Variants in RIMS2 observed in about 807,000 individuals in gnomAD.
The protein encoded by RIMS2 is regulating synaptic membrane exocytosis 2.
In RIMS2, 59 loss-of-function variants were observed where a neutral mutation model predicts 174.4. That is an observed-to-expected ratio of 0.34 (90% CI 0.27 to 0.42). The LOEUF is 0.42. Among genes scored for constraint, RIMS2 ranks in the 10% least tolerant of loss-of-function variants. RIMS2 has a pLI of 1.00. For missense variants in RIMS2, 1,620 were observed against 1,666.3 expected, an observed-to-expected ratio of 0.97 and a Z score of 0.48; for synonymous variants, 606 against 572.5, an observed-to-expected ratio of 1.06 and a Z score of -0.84.
At chr8:103,589,822 A>G (rs77307173) in intron 1 of RIMS2, among the ~76,000 whole-genome samples, 5,553 of 151,578 alleles carry the variant, frequency 0.037, 325 homozygotes, top group African/African-American at 0.12. Context: ...AGTAAAATAA[A>G]CAAGTCACAG....
chr8:103,841,824 A>C (rs944231780), intron 3 of RIMS2, among the ~76,000 whole-genome samples: 3 of 152,110 alleles, frequency 2.0e-5, no homozygotes, highest in Non-Finnish European at 4.4e-5. Context: ...GTGTGATGGC[A>C]CACACCTGTA....
chr8:104,226,320 A>G (rs2099187836), intron 19 of RIMS2, among the ~76,000 whole-genome samples: 1 of 152,210 alleles, frequency 6.6e-6, no homozygotes, highest in Admixed American at 6.5e-5. Flanking sequence ...AAAGAGTTCA[A>G]TAGCTAAAGA....
downstream of RIMS2, chr8:104,253,795 TA>T (rs1433619392): frequency 6.6e-6 from 1 of 152,202 alleles, no homozygotes; most frequent in Non-Finnish European, 1.5e-5. Context: ...CATGCACAAA[TA>T]TTTTTTTTAG....
At chr8:103,765,674 T>C (rs1316664150) in intron 2 of RIMS2, among the ~76,000 whole-genome samples, 1 of 152,120 alleles carries the variant, frequency 6.6e-6, no homozygotes, top group Non-Finnish European at 1.5e-5. Context: ...TAATTGCGGT[T>C]AGAATGTTAA....
intron 19 of RIMS2, among the ~76,000 whole-genome samples, chr8:104,143,847 G>T (rs1247414689): frequency 6.6e-6 from 1 of 152,092 alleles, no homozygotes; most frequent in African/African-American, 2.4e-5. Flanking sequence ...ATTATTTCCA[G>T]ACTACCTTCT....
rs544241638 is a variant in RIMS2 at position 103,646,557 on chromosome 8, G to A, written c.177-50529G>A. 1.1e-4 allele frequency among the ~76,000 whole-genome samples: 17 copies of A among 152,126 alleles called. No individual in the cohort carries two copies. In the East Asian group the frequency reaches 2.9e-3, roughly 26 times the overall value. Reference sequence around the variant, plus strand: ...TCTACCTCTCTCCGCACCCAGTTCCGACAGGCCTCAGTGTTTGTTGTTTCC... The same window carrying A: ...TCTACCTCTCTCCGCACCCAGTTCCAACAGGCCTCAGTGTTTGTTGTTTCC... On this transcript the variant is annotated intron_variant, in intron 1 of 23. Coordinates refer to ENST00000504942, the Ensembl canonical transcript of RIMS2.
intron 19 of RIMS2, chr8:104,148,813 G>A (rs767352476): frequency 6.4e-5 from 103 of 1,598,250 alleles, no homozygotes; most frequent in Admixed American, 5.7e-4. Context: ...GGTCTGTCAC[G>A]GAAAAGTCGC....
At chr8:103,536,652 G>A (rs1231696036) in intron 1 of RIMS2, among the ~76,000 whole-genome samples, 4 of 152,048 alleles carry the variant, frequency 2.6e-5, no homozygotes, top group Non-Finnish European at 4.4e-5. Flanking sequence ...ACACTGAAGG[G>A]GGAGGTGCTA....
At chr8:103,859,210 T>G (rs912121824) in intron 3 of RIMS2, among the ~76,000 whole-genome samples, 2 of 152,126 alleles carry the variant, frequency 1.3e-5, no homozygotes, top group African/African-American at 4.8e-5. Flanking sequence ...GGAAAGAAAC[T>G]GACAATTACC....
chr8:104,171,817 TA>T (rs1234020918), intron 19 of RIMS2, among the ~76,000 whole-genome samples: 2 of 152,220 alleles, frequency 1.3e-5, no homozygotes, highest in Non-Finnish European at 2.9e-5. Context: ...CTGTGTTTTT[TA>T]AATTTCTTTT....
intron 3 of RIMS2, among the ~76,000 whole-genome samples, chr8:103,799,361 A>T (rs2098587088): frequency 6.6e-6 from 1 of 152,200 alleles, no homozygotes; most frequent in South Asian, 2.1e-4. Flanking sequence ...ATTTTATTTG[A>T]CATCCCATTA....
In RIMS2 at chr8:103,918,296, G is replaced by C. The variant is rs10087617; in HGVS notation, c.2037-145G>C. On this transcript the variant is annotated intron_variant, in intron 8 of 23. Transcript: ENST00000504942. ...TAGCAATAAGTACTAAGGCTTGTTT[G>C]TTTCTTATTTATATAATGCCACTAT... The C allele has an allele frequency of 4.5e-3, 2,264 of 504,824 alleles. 44 individuals carry two copies. Among genetic ancestry groups the C allele is most frequent in the African/African-American group, 0.039 (2,038 of 51,890 alleles). 31.3% of individuals were successfully genotyped at this position (504,824 alleles called of 1,614,324 possible).
At chr8:103,956,125 A>G (rs1201116385) in intron 14 of RIMS2, among the ~76,000 whole-genome samples, 1 of 152,232 alleles carries the variant, frequency 6.6e-6, no homozygotes, top group Non-Finnish European at 1.5e-5. Flanking sequence ...ATGGAAAAAC[A>G]TTCCATGCTC....
chr8:103,679,318 C>T (rs1200474604), intron 1 of RIMS2, among the ~76,000 whole-genome samples: 1 of 151,872 alleles, frequency 6.6e-6, no homozygotes, highest in East Asian at 1.9e-4. Flanking sequence ...ACATATTATC[C>T]TTAAGGGACC....
intron 19 of RIMS2, among the ~76,000 whole-genome samples, chr8:104,191,694 A>G (rs1437360313): frequency 6.6e-6 from 1 of 152,182 alleles, no homozygotes; most frequent in African/African-American, 2.4e-5. Flanking sequence ...ATAATAAACA[A>G]TTAAATAGCA....
intron 3 of RIMS2, among the ~76,000 whole-genome samples, chr8:103,811,167 A>G (rs1007064875): frequency 6.6e-6 from 1 of 152,198 alleles, no homozygotes; most frequent in African/African-American, 2.4e-5. Context: ...TCATGTTGAT[A>G]TAGCTCCCTG....
chr8:103,671,595 C>T (rs1215693283), intron 1 of RIMS2, among the ~76,000 whole-genome samples: 3 of 152,110 alleles, frequency 2.0e-5, no homozygotes, highest in African/African-American at 7.2e-5. Context: ...AGACACAACA[C>T]TTTAGGATTT....
chr8:103,850,278 G>T (rs189865245), intron 3 of RIMS2, among the ~76,000 whole-genome samples: 198 of 152,004 alleles, frequency 1.3e-3, no homozygotes, highest in African/African-American at 4.6e-3. Context: ...TAGAACAAAA[G>T]AATGAAATAC....
chr8:103,645,520 G>A (rs886294014), intron 1 of RIMS2, among the ~76,000 whole-genome samples: 2 of 152,090 alleles, frequency 1.3e-5, no homozygotes. Context: ...TGAAAGTCTA[G>A]GATTTTGCTG....
Sources: gnomAD v4.1 joint callset for allele counts (sites outside exome capture counted in the v4.1 genomes callset) on GRCh38, gnomAD v4.1.1 for gene constraint, MANE v1.5 for transcripts, NCBI Gene and HGNC (gene_info 2026-07-23, HGNC 2026-07-21) for gene names.